Variants in PRMT8 observed in about 807,000 individuals in gnomAD.
PRMT8 encodes protein arginine methyltransferase 8, also known as protein arginine N-methyltransferase 8.
PRMT8 carries 7 observed loss-of-function variants against 47.1 expected under a neutral mutation model. That is an observed-to-expected ratio of 0.15 (90% CI 0.08 to 0.28). The LOEUF (loss-of-function observed/expected upper bound fraction) is 0.28. Among genes scored for constraint, PRMT8 ranks in the 10% least tolerant of loss-of-function variants. The pLI is 1.00. For missense variants in PRMT8, 237 were observed against 505.4 expected, an observed-to-expected ratio of 0.47 and a Z score of 5.09; for synonymous variants, 188 against 186.5, an observed-to-expected ratio of 1.01 and a Z score of -0.07.
chr12:3,473,387 A>C (rs1423125540), intron 1 of PRMT8, among the ~76,000 whole-genome samples: 1 of 151,846 alleles, frequency 6.6e-6, no homozygotes. Context: ...CGACTTCCCC[A>C]ATGGTGCTGC....
chr12:3,441,639 C>CCAGCA (rs1390912884), intron 1 of PRMT8, among the ~76,000 whole-genome samples: 1 of 152,254 alleles, frequency 6.6e-6, no homozygotes, highest in Non-Finnish European at 1.5e-5. Context: ...AGGGACAAAG[C>CCAGCA]CAGCACTGGC....
In PRMT8 at chr12:3,535,343, C is replaced by T. The variant is rs956911518; in HGVS notation, c.76-5263C>T. ...GGGAGAAAAACTGTGCTGAAGCTGCCCTGGGTAAGGCCAGTCTGGGGGCGG... is the reference window on the plus strand; with the variant it reads ...GGGAGAAAAACTGTGCTGAAGCTGCTCTGGGTAAGGCCAGTCTGGGGGCGG... On this transcript the variant is annotated intron_variant, in intron 1 of 9. Transcript: ENST00000382622. This position sits in a 1 kb window ranked among gnomAD's most constrained non-coding sequence, Gnocchi z 4.7. 6.6e-6 allele frequency among the ~76,000 whole-genome samples: 1 copy of T among 152,146 alleles called. No homozygotes were observed. Among genetic ancestry groups the T allele is most frequent in the African/African-American group, 2.4e-5 (1 of 41,434 alleles).
At chr12:3,519,769 A>G (rs1865853478) in intron 1 of PRMT8, among the ~76,000 whole-genome samples, 1 of 152,176 alleles carries the variant, frequency 6.6e-6, no homozygotes, top group South Asian at 2.1e-4. Flanking sequence ...GCAAATGGTG[A>G]GAAAAAGGGC....
At chr12:3,563,933 C>CG (rs1000720186) in intron 4 of PRMT8, among the ~76,000 whole-genome samples, 31 of 152,094 alleles carry the variant, frequency 2.0e-4, no homozygotes, top group African/African-American at 6.5e-4. Context: ...CCAATGCCCC[C>CG]CACCTTTTTT....
At chr12:3,540,447 G>T (rs990747084) in intron 1 of PRMT8, among the ~76,000 whole-genome samples, 159 bp from the exon 2 acceptor site, 2 of 152,264 alleles carry the variant, frequency 1.3e-5, no homozygotes, top group East Asian at 3.9e-4. Context: ...GAGCCCAACT[G>T]CTGGGAGCTG....
chr12:3,568,670 C>T (rs750335326), intron 4 of PRMT8, 36 bp from the exon 5 acceptor site: 1 of 1,613,172 alleles, frequency 6.2e-7, no homozygotes, highest in South Asian at 1.1e-5. Context: ...GGGTGGGGTC[C>T]CTGCAAAGTA....
chr12:3,438,085 G>A (rs1232534479), intron 1 of PRMT8, among the ~76,000 whole-genome samples: 2 of 152,118 alleles, frequency 1.3e-5, no homozygotes, highest in South Asian at 2.1e-4. Flanking sequence ...AGCCACCTCC[G>A]AGTGGGGAGC....
intron 1 of PRMT8, among the ~76,000 whole-genome samples, chr12:3,506,837 G>A (rs1223515824): frequency 6.6e-6 from 1 of 152,052 alleles, no homozygotes; most frequent in Non-Finnish European, 1.5e-5. Context: ...ACTTTCCCCT[G>A]TGCTCCTACC....
At chr12:3,573,454 TA>T (rs1171571507) in intron 6 of PRMT8, among the ~76,000 whole-genome samples, 1 of 152,270 alleles carries the variant, frequency 6.6e-6, no homozygotes, top group African/African-American at 2.4e-5. Flanking sequence ...TGGATAATTC[TA>T]ACATCTGAGC....
rs1222739511 is a variant in PRMT8, at chr12:3,508,030, C to T, written c.75+16330C>T. Among the ~76,000 whole-genome samples the T allele has an allele frequency of 1.3e-5, 2 of 152,110 alleles. No individual in the cohort carries two copies. The highest frequency in any genetic ancestry group is 1.9e-4 in the East Asian group (1 of 5,196). On this transcript the variant is annotated intron_variant, in intron 1 of 9. Coordinates refer to ENST00000382622, the MANE Select transcript of PRMT8 (RefSeq NM_019854.5). The surrounding 1 kb of genome is among the most constrained non-coding windows in gnomAD (Gnocchi z 4.9). ...CTGATTTTGGATCTCACTTTCATCC[C>T]TGTGGGATTATAAATCCCATTTTAT...
intron 2 of PRMT8, among the ~76,000 whole-genome samples, chr12:3,544,782 T>C (rs943828916): frequency 1.4e-4 from 21 of 152,214 alleles, no homozygotes; most frequent in Non-Finnish European, 2.6e-4. Flanking sequence ...TTGTTTGCCT[T>C]GCGGTCAAGT....
intron 2 of PRMT8, among the ~76,000 whole-genome samples, chr12:3,544,666 C>G (rs549660002): frequency 6.6e-6 from 1 of 152,158 alleles, no homozygotes; most frequent in Admixed American, 6.5e-5. Context: ...AAGATGTTCC[C>G]GTGATGAGGC....
chr12:3,405,783 G>A (rs1015894345), intron 1 of PRMT8, among the ~76,000 whole-genome samples: 2 of 152,216 alleles, frequency 1.3e-5, no homozygotes, highest in Non-Finnish European at 2.9e-5. Context: ...CACTCCTGTG[G>A]CTTTGCAGGG....
chr12:3,484,481 A>G (rs1017958554), intron 1 of PRMT8, among the ~76,000 whole-genome samples: 4 of 152,200 alleles, frequency 2.6e-5, no homozygotes, highest in Admixed American at 2.6e-4. Flanking sequence ...TCTGTCTGCT[A>G]TGGTTAAATA....
intron 7 of PRMT8, among the ~76,000 whole-genome samples, chr12:3,581,311 A>G (rs904269100): frequency 1.3e-5 from 2 of 152,178 alleles, no homozygotes; most frequent in Admixed American, 6.5e-5. Context: ...ACCTGTGTGA[A>G]TTGGAACACA....
intron 1 of PRMT8, among the ~76,000 whole-genome samples, chr12:3,447,386 T>C (rs1158858005): frequency 1.3e-5 from 2 of 152,148 alleles, no homozygotes; most frequent in African/African-American, 4.8e-5. Flanking sequence ...AGTCTGTTTT[T>C]TGTTTTCTCT....
intron 1 of PRMT8, among the ~76,000 whole-genome samples, chr12:3,390,391 C>T (rs375458875): frequency 3.2e-4 from 49 of 152,356 alleles, no homozygotes; most frequent in African/African-American, 1.1e-3. Context: ...ATCTGCTTAC[C>T]TATCAGTGAA....
intron 1 of PRMT8, among the ~76,000 whole-genome samples, chr12:3,422,839 C>A (rs72472284): frequency 0.096 from 14,600 of 152,210 alleles, 805 homozygotes; most frequent in South Asian, 0.21. Flanking sequence ...TGGTCTCCTC[C>A]CTTATTCTCT....
chr12:3,563,358 C>T (rs563093517), intron 4 of PRMT8, among the ~76,000 whole-genome samples: 3 of 151,732 alleles, frequency 2.0e-5, no homozygotes, highest in Non-Finnish European at 2.9e-5. Flanking sequence ...CCTATGTTCT[C>T]GGGTGAGTGG....
Sources: gnomAD v4.1 joint callset for allele counts (sites outside exome capture counted in the v4.1 genomes callset) on GRCh38, gnomAD v4.1.1 for gene constraint, Gnocchi (gnomAD v3.1) non-coding constraint, MANE v1.5 for transcripts, NCBI Gene and HGNC (gene_info 2026-07-23, HGNC 2026-07-21) for gene names.